AUTS2: variants seen among roughly 807,000 people sequenced by gnomAD.
AUTS2 encodes autism susceptibility gene 2 protein.
AUTS2 carries 17 observed loss-of-function variants against 112.4 expected under a neutral mutation model. The observed-to-expected ratio is 0.15, with a 90% CI of 0.10 to 0.23. AUTS2 has a LOEUF of 0.23. AUTS2 is among the 10% of genes least tolerant of loss of function. The pLI, the probability that AUTS2 is intolerant of heterozygous loss-of-function variation, is 1.00. For missense variants in AUTS2, 1,510 were observed against 1,701.6 expected, an observed-to-expected ratio of 0.89 and a Z score of 1.98; for synonymous variants, 751 against 702.7, an observed-to-expected ratio of 1.07 and a Z score of -1.09.
At chr7:70,095,975 A>T (rs1804175116) in intron 2 of AUTS2, among the ~76,000 whole-genome samples, 1 of 152,150 alleles carries the variant, frequency 6.6e-6, no homozygotes, top group Admixed American at 6.5e-5. Flanking sequence ...TTGTATATAA[A>T]CCCTATTGTA....
intron 4 of AUTS2, among the ~76,000 whole-genome samples, chr7:70,375,171 A>G (rs1052679434): frequency 2.6e-5 from 4 of 152,204 alleles, no homozygotes; most frequent in African/African-American, 4.8e-5. Flanking sequence ...CTGATTCAAT[A>G]TGTTAAATGT....
At chr7:70,362,106 C>T (rs965297371) in intron 4 of AUTS2, among the ~76,000 whole-genome samples, 5 of 152,156 alleles carry the variant, frequency 3.3e-5, no homozygotes, top group Non-Finnish European at 7.3e-5. Context: ...ATGCAGAACT[C>T]GGGACTTCAT....
At chr7:70,678,650 T>C (rs561365889) in intron 5 of AUTS2, among the ~76,000 whole-genome samples, 68 of 152,310 alleles carry the variant, frequency 4.5e-4, no homozygotes, top group African/African-American at 1.6e-3. Context: ...ATTAGTTGGG[T>C]GAATGCTTAG....
intron 5 of AUTS2, among the ~76,000 whole-genome samples, chr7:70,657,992 G>T (rs1806864248): frequency 1.3e-5 from 2 of 152,116 alleles, no homozygotes; most frequent in Non-Finnish European, 2.9e-5. Flanking sequence ...ATATATTTGA[G>T]GCACCATACT....
intron 2 of AUTS2, among the ~76,000 whole-genome samples, chr7:69,962,156 A>T (rs1797456195): frequency 1.3e-5 from 2 of 152,114 alleles, no homozygotes; most frequent in South Asian, 2.1e-4. Flanking sequence ...TCCTTACAAG[A>T]TGGCTTGGTA....
intron 5 of AUTS2, among the ~76,000 whole-genome samples, chr7:70,488,726 TG>T (rs1324328541): frequency 6.6e-6 from 1 of 152,160 alleles, no homozygotes; most frequent in East Asian, 1.9e-4. Flanking sequence ...TCTCTTTTCC[TG>T]GGAGGACCTT....
chr7:69,634,624 A>G (rs1794432524), intron 1 of AUTS2, among the ~76,000 whole-genome samples: 1 of 152,202 alleles, frequency 6.6e-6, no homozygotes, highest in Non-Finnish European at 1.5e-5. Context: ...GTCACTAACC[A>G]TGCTATATTG....
chr7:70,469,538 A>G (rs1237562854), intron 5 of AUTS2, among the ~76,000 whole-genome samples: 1 of 152,218 alleles, frequency 6.6e-6, no homozygotes, highest in African/African-American at 2.4e-5. Flanking sequence ...TTGTCCTTGC[A>G]GGCTATGGGG....
chr7:70,453,962 A>G (rs1281760712), intron 5 of AUTS2, among the ~76,000 whole-genome samples: 1 of 152,210 alleles, frequency 6.6e-6, no homozygotes, highest in Non-Finnish European at 1.5e-5. Flanking sequence ...TGGCTAGAAG[A>G]GTCCATTCCT....
intron 5 of AUTS2, among the ~76,000 whole-genome samples, chr7:70,571,351 AAC>A (rs1239448075): frequency 6.6e-6 from 1 of 152,226 alleles, no homozygotes; most frequent in Non-Finnish European, 1.5e-5. Flanking sequence ...TAAAGTGCCT[AAC>A]ACAGTGTCTG....
chr7:69,950,958 G>T (rs891957645), intron 2 of AUTS2, among the ~76,000 whole-genome samples: 7 of 151,842 alleles, frequency 4.6e-5, no homozygotes, highest in Non-Finnish European at 8.8e-5. Context: ...AACATAGCAA[G>T]ACCTGTCTCT....
intron 4 of AUTS2, among the ~76,000 whole-genome samples, chr7:70,220,877 C>T (rs1285129613): frequency 6.6e-6 from 1 of 152,142 alleles, no homozygotes; most frequent in Non-Finnish European, 1.5e-5. Flanking sequence ...CCCAAATACT[C>T]ACCATATAGA....
At chr7:70,525,947 G>A (rs1799823448) in intron 5 of AUTS2, among the ~76,000 whole-genome samples, 1 of 152,202 alleles carries the variant, frequency 6.6e-6, no homozygotes, top group African/African-American at 2.4e-5. Flanking sequence ...GGCGGGAGAG[G>A]GTTAGCTCCT....
intron 4 of AUTS2, among the ~76,000 whole-genome samples, chr7:70,229,909 C>T (rs1284152366): frequency 6.6e-6 from 1 of 152,082 alleles, no homozygotes; most frequent in Non-Finnish European, 1.5e-5. Flanking sequence ...CCAATTGGTT[C>T]TATTTAAGAA....
chr7:70,354,288 A>T (rs1173486926), intron 4 of AUTS2, among the ~76,000 whole-genome samples: 3 of 152,242 alleles, frequency 2.0e-5, no homozygotes, highest in African/African-American at 7.2e-5. Context: ...CAACTCCAAT[A>T]AGTACAGAGA....
chr7:70,186,210 T>C (rs531637902), intron 4 of AUTS2, among the ~76,000 whole-genome samples: 92 of 152,304 alleles, frequency 6.0e-4, no homozygotes, highest in African/African-American at 2.2e-3. Context: ...GAAGTTGTCT[T>C]TGTGTTTTAA....
chr7:69,880,240 C>T (rs1458779126), intron 1 of AUTS2, among the ~76,000 whole-genome samples: 1 of 152,152 alleles, frequency 6.6e-6, no homozygotes, highest in Non-Finnish European at 1.5e-5. Context: ...ATCATGAGAA[C>T]AGCAAGGGGG....
At chr7:70,140,182 T>C (rs1475424437) in intron 4 of AUTS2, among the ~76,000 whole-genome samples, 1 of 152,132 alleles carries the variant, frequency 6.6e-6, no homozygotes, top group South Asian at 2.1e-4. Flanking sequence ...CAGATTCAGG[T>C]TTGGATTTTG....
chr7:70,106,334 T>C (rs1804765682), intron 2 of AUTS2, among the ~76,000 whole-genome samples: 1 of 152,198 alleles, frequency 6.6e-6, no homozygotes, highest in South Asian at 2.1e-4. Flanking sequence ...ATAGCATTAG[T>C]GCAGTTAGTG....
Sources: allele counts gnomAD v4.1 joint callset (sites outside exome capture counted in the v4.1 genomes callset), GRCh38; gene constraint gnomAD v4.1.1; transcripts MANE v1.5; gene names NCBI Gene and HGNC (gene_info 2026-07-23, HGNC 2026-07-21).